Variants in PLEKHA8 observed in about 807,000 individuals in gnomAD.
The protein encoded by PLEKHA8 is pleckstrin homology domain-containing family A member 8.
PLEKHA8 carries 36 observed loss-of-function variants against 68.2 expected under a neutral mutation model. The observed-to-expected ratio is 0.53, with a 90% CI of 0.40 to 0.70. PLEKHA8 has a LOEUF of 0.70. PLEKHA8 is among the 30% of genes least tolerant of loss of function. The probability of loss-of-function intolerance (pLI) is 0.00; values close to 1 mark genes in which losing one functional copy is unlikely to be tolerated. For missense variants in PLEKHA8, 505 were observed against 615.4 expected, an observed-to-expected ratio of 0.82 and a Z score of 1.90; for synonymous variants, 211 against 216.1, an observed-to-expected ratio of 0.98 and a Z score of 0.20.
At chr7:30,120,162 A>AC (rs1191427520) in intron 13 of PLEKHA8, among the ~76,000 whole-genome samples, 21 of 142,158 alleles carry the variant, frequency 1.5e-4, no homozygotes, top group Non-Finnish European at 2.9e-4. Flanking sequence ...TAATTAAAAA[A>AC]AAAAAAACAA....
chr7:30,038,178 A>C (rs766289301), intron 1 of PLEKHA8, among the ~76,000 whole-genome samples: 2 of 152,178 alleles, frequency 1.3e-5, no homozygotes, highest in South Asian at 4.1e-4. Flanking sequence ...GCCAAGATGT[A>C]ATAAGCCCAT....
At chr7:30,047,420 A>G (rs950560199) in intron 3 of PLEKHA8, among the ~76,000 whole-genome samples, 1 of 152,158 alleles carries the variant, frequency 6.6e-6, no homozygotes, top group African/African-American at 2.4e-5. Context: ...TTTCCCAGGT[A>G]AGAGTAGAGC....
intron 1 of PLEKHA8, among the ~76,000 whole-genome samples, chr7:30,036,624 G>C (rs1779655803): frequency 6.6e-6 from 1 of 152,134 alleles, no homozygotes; most frequent in African/African-American, 2.4e-5. Flanking sequence ...TAAATATTTA[G>C]TTTGGTAGCT....
rs62446710 is a variant in PLEKHA8, at chr7:30,067,858, C to T, written c.1300+5116C>T. On this transcript the variant is annotated intron_variant, in intron 12 of 13. Transcript: ENST00000449726. ...TCATTGTATGAATAGACCATGGTTT[C>T]GAAAAACTAATATACTGTTAATGGA... Among the ~76,000 whole-genome samples the T allele has an allele frequency of 1.1e-4, 17 of 152,170 alleles. No individual in the cohort carries two copies. The East Asian group carries it at 2.5e-3, about 22-fold the overall frequency.
chr7:30,081,521 G>A lies in PLEKHA8; in HGVS notation c.*2734G>A, dbSNP rs1794929279. On this transcript the variant is annotated 3_prime_UTR_variant, in exon 14 of 14. Coordinates refer to ENST00000449726, the MANE Select transcript of PLEKHA8 (RefSeq NM_001197026.2). ...GATGTGTAATCACTTTCCAAGAAGA[G>A]GGCAATGAGAAAAGATATTTAAAGC... 1.0e-6 allele frequency: 1 copy of A among 985,080 alleles called. No homozygotes were observed. Among genetic ancestry groups the A allele is most frequent in the Non-Finnish European group, 1.2e-6 (1 of 829,796 alleles). The allele number at this position is 985,080 out of a possible 1,614,324, so 61.0% of individuals were successfully genotyped here. A position where few individuals can be genotyped will look rare whatever the true frequency, so the allele number is the denominator to read the frequency against.
Position 30,061,919 on chromosome 7 carries a change from C to A in PLEKHA8, c.1121C>A (p.Thr374Asn). 1 of 1,613,968 alleles carries A rather than the reference C, an allele frequency of 6.2e-7. No homozygotes were observed. Among genetic ancestry groups the A allele is most frequent in the Non-Finnish European group, 8.5e-7 (1 of 1,179,972 alleles). ...NIKKVNQKYI[T>N]NKEEFTTLQK... ...CAGAAAGTAAATCAGAAGTATATAA[C>A]CAACAAAGAAGAGTTTACCACTCTC... Residue 374 changes from threonine to asparagine, a missense_variant, in exon 11 of 14, where the codon ACC becomes AAC. Transcript: ENST00000449726.
chr7:30,064,395 T>C (rs1381407367), intron 12 of PLEKHA8, among the ~76,000 whole-genome samples: 1 of 152,060 alleles, frequency 6.6e-6, no homozygotes, highest in Non-Finnish European at 1.5e-5. Context: ...CTACAAAAAT[T>C]AGCTGAGTAT....
intron 13 of PLEKHA8, among the ~76,000 whole-genome samples, chr7:30,095,909 G>C (rs1331118158): frequency 2.0e-5 from 3 of 152,166 alleles, no homozygotes; most frequent in Non-Finnish European, 4.4e-5. Flanking sequence ...CCAGTACCAT[G>C]CTGTTTTGGT....
At chr7:30,070,173 A>G (rs1246435896) in intron 12 of PLEKHA8, among the ~76,000 whole-genome samples, 1 of 151,840 alleles carries the variant, frequency 6.6e-6, no homozygotes, top group African/African-American at 2.4e-5. Flanking sequence ...GTTGGTTTTA[A>G]ATTGCAGCAA....
At chr7:30,092,367 C>T (rs888308614), downstream of PLEKHA8, among the ~76,000 whole-genome samples, 31 of 152,102 alleles carry the variant, frequency 2.0e-4, no homozygotes, top group African/African-American at 6.8e-4. Flanking sequence ...CCTGCCCTCA[C>T]AGAAGATTCA....
chr7:30,125,756 C>T (rs1041716385), intron 13 of PLEKHA8, among the ~76,000 whole-genome samples: 6 of 152,184 alleles, frequency 3.9e-5, no homozygotes, highest in Non-Finnish European at 5.9e-5. Context: ...CTAGGCCCTA[C>T]TGCTGAATCT....
At chr7:30,061,383 C>G (rs1035085825) in intron 10 of PLEKHA8, among the ~76,000 whole-genome samples, 2 of 152,212 alleles carry the variant, frequency 1.3e-5, no homozygotes, top group African/African-American at 4.8e-5. Context: ...CACCAAATCT[C>G]TGAGCCTCTT....
intron 13 of PLEKHA8, among the ~76,000 whole-genome samples, chr7:30,110,966 G>A (rs1382670635): frequency 2.0e-5 from 3 of 150,522 alleles, no homozygotes; most frequent in East Asian, 2.0e-4. Flanking sequence ...GTGCAGTGGC[G>A]CGATCTTGGC....
intron 13 of PLEKHA8, among the ~76,000 whole-genome samples, chr7:30,106,536 C>T (rs540905770): frequency 2.3e-4 from 35 of 152,184 alleles, no homozygotes; most frequent in Non-Finnish European, 4.3e-4. Context: ...TAGGTCCTCT[C>T]TTCTATTCAT....
intron 1 of PLEKHA8, among the ~76,000 whole-genome samples, chr7:30,043,680 C>T (rs1791719515): frequency 6.6e-6 from 1 of 152,198 alleles, no homozygotes; most frequent in Admixed American, 6.5e-5. Context: ...AACTCCTTCA[C>T]ATAGATTTAG....
intron 12 of PLEKHA8, among the ~76,000 whole-genome samples, chr7:30,073,851 A>G (rs1212960952): frequency 1.3e-5 from 2 of 151,994 alleles, no homozygotes; most frequent in East Asian, 1.9e-4. Context: ...TTAGCTAGGC[A>G]TGGTCATCCA....
chr7:30,045,048 G>A (rs548553063), intron 1 of PLEKHA8, 37 bp from the exon 2 acceptor site: 5 of 1,420,856 alleles, frequency 3.5e-6, no homozygotes, highest in African/African-American at 1.4e-5. Context: ...TCATACACAG[G>A]CAGTAATTGC....
chr7:30,042,064 A>G (rs908517846), intron 1 of PLEKHA8, among the ~76,000 whole-genome samples: 8 of 152,354 alleles, frequency 5.3e-5, no homozygotes, highest in Non-Finnish European at 1.2e-4. Context: ...AGCCTTATCC[A>G]ATCAGTTAAA....
Position 30,047,911 on chromosome 7 carries a change from A to G in PLEKHA8, c.393A>G (p.Val131=). 6.2e-7 allele frequency: 1 copy of G among 1,606,048 alleles called. No individual in the cohort carries two copies. Among genetic ancestry groups the G allele is most frequent in the Non-Finnish European group, 8.5e-7 (1 of 1,174,326 alleles). ...RLYCDLLVQQ[V]DKTKEVTTTG... ...ACTGTGACCTCCTTGTTCAGCAAGT[A>G]GATAAAACAAAAGAAGTGACCACAA... Residue 131 remains valine (V), a synonymous_variant, in exon 4 of 14, where the codon GTA becomes GTG. Coordinates refer to ENST00000449726, the MANE Select transcript of PLEKHA8 (RefSeq NM_001197026.2).
Sources: gnomAD v4.1 joint callset for allele counts (sites outside exome capture counted in the v4.1 genomes callset) on GRCh38, gnomAD v4.1.1 for gene constraint, MANE v1.5 for transcripts, NCBI Gene and HGNC (gene_info 2026-07-23, HGNC 2026-07-21) for gene names.